The following KCNK2 variants were observed in gnomAD, a reference collection of about 807,000 sequenced individuals.
KCNK2 encodes potassium channel subfamily K member 2.
Under a neutral mutation model 40.5 loss-of-function variants are expected in KCNK2, and 21 were observed. The observed-to-expected ratio is 0.52, with a 90% CI of 0.37 to 0.75. The LOEUF is 0.75. Ranked by LOEUF, KCNK2 falls within the 30% of genes least tolerant of loss-of-function variation. The probability of loss-of-function intolerance (pLI) is 0.00; values close to 1 mark genes in which losing one functional copy is unlikely to be tolerated. For missense variants in KCNK2, 399 were observed against 531.6 expected (o/e 0.75, Z 2.45); for synonymous variants, 191 against 202.2 (o/e 0.94, Z 0.47).
At chr1:215,169,620 C>A (rs1663605850) in intron 4 of KCNK2, among the ~76,000 whole-genome samples, 1 of 143,606 alleles carries the variant, frequency 7.0e-6, no homozygotes, top group African/African-American at 2.6e-5. Context: ...ATTCAAATTT[C>A]TTTTACTTTT....
At chr1:215,027,470 C>T (rs903904059) in intron 1 of KCNK2, among the ~76,000 whole-genome samples, 5 of 152,132 alleles carry the variant, frequency 3.3e-5, no homozygotes, top group African/African-American at 9.7e-5. Flanking sequence ...AAATGTCCCT[C>T]CAACATCTAT....
At chr1:215,047,189 C>T (rs1343632679) in intron 1 of KCNK2, among the ~76,000 whole-genome samples, 3 of 152,010 alleles carry the variant, frequency 2.0e-5, no homozygotes, top group Non-Finnish European at 4.4e-5. Flanking sequence ...AAATGGACAG[C>T]TATGTTAGCA....
chr1:215,214,875 A>G (rs766063574), intron 6 of KCNK2, among the ~76,000 whole-genome samples: 7 of 152,126 alleles, frequency 4.6e-5, no homozygotes, highest in Non-Finnish European at 8.8e-5. Flanking sequence ...AATCATGTCT[A>G]TATGGATTGT....
At chr1:215,092,529 C>T (rs2102538176) in intron 2 of KCNK2, among the ~76,000 whole-genome samples, 1 of 152,260 alleles carries the variant, frequency 6.6e-6, no homozygotes, top group Admixed American at 6.5e-5. Context: ...GCAAAGGCTG[C>T]ATGACAGCAA....
Position 215,105,857 on chromosome 1 carries a change from G to C in KCNK2, c.358-18776G>C, listed in dbSNP as rs554724885. On this transcript the variant is annotated intron_variant, in intron 2 of 6. Coordinates refer to ENST00000444842, the MANE Select transcript of KCNK2 (RefSeq NM_001017425.3). ...GAGAACATGTGGTATTTGGTTCTCTGTTTCTGCATTAGTTTACTGAGGATA... is the reference window on the plus strand; with the variant it reads ...GAGAACATGTGGTATTTGGTTCTCTCTTTCTGCATTAGTTTACTGAGGATA... 2.6e-5 allele frequency among the ~76,000 whole-genome samples: 4 copies of C among 152,070 alleles called. 1 individual carries two copies. The highest frequency in any genetic ancestry group is 2.6e-4 in the Admixed American group (4 of 15,244).
intron 1 of KCNK2, among the ~76,000 whole-genome samples, chr1:215,056,257 G>A (rs1658155764): frequency 6.8e-6 from 1 of 146,590 alleles, no homozygotes; most frequent in Non-Finnish European, 1.5e-5. Context: ...ACAGTGAGCC[G>A]AGATCGCGCC....
At chr1:215,070,951 G>A (rs1658736548) in intron 1 of KCNK2, among the ~76,000 whole-genome samples, 1 of 152,118 alleles carries the variant, frequency 6.6e-6, no homozygotes, top group Non-Finnish European at 1.5e-5. Flanking sequence ...CAATTGTCCT[G>A]AGCAAATTAA....
intron 5 of KCNK2, among the ~76,000 whole-genome samples, chr1:215,180,617 A>C (rs1045569171): frequency 2.6e-5 from 4 of 151,798 alleles, no homozygotes; most frequent in Non-Finnish European, 4.4e-5. Context: ...TTTACTTCTG[A>C]AGCTTAGGTT....
intron 1 of KCNK2, among the ~76,000 whole-genome samples, chr1:215,012,060 C>T (rs1054102144): frequency 6.6e-6 from 1 of 152,116 alleles, no homozygotes; most frequent in African/African-American, 2.4e-5. Context: ...CAGTGAAGAA[C>T]TTTCAGGCTG....
intron 3 of KCNK2, among the ~76,000 whole-genome samples, chr1:215,144,044 A>G (rs1177372573): frequency 6.6e-6 from 1 of 152,184 alleles, no homozygotes; most frequent in African/African-American, 2.4e-5. Context: ...TAAGTAAAGT[A>G]TATCTGCCTT....
At chr1:215,101,935 C>G (rs1660238636) in intron 2 of KCNK2, among the ~76,000 whole-genome samples, 1 of 151,936 alleles carries the variant, frequency 6.6e-6, no homozygotes, top group Non-Finnish European at 1.5e-5. Flanking sequence ...TGTGTATTCA[C>G]TATACTATAC....
At chr1:215,199,554 C>T (rs1289101381) in intron 6 of KCNK2, among the ~76,000 whole-genome samples, 1 of 152,068 alleles carries the variant, frequency 6.6e-6, no homozygotes, top group Non-Finnish European at 1.5e-5. Flanking sequence ...TCCAGTTTTC[C>T]ATGGAAACAT....
chr1:215,072,672 G>A (rs991665681), intron 1 of KCNK2, among the ~76,000 whole-genome samples: 1 of 152,120 alleles, frequency 6.6e-6, no homozygotes, highest in Non-Finnish European at 1.5e-5. Context: ...TGTAGGTGTT[G>A]GAAATCCAGA....
chr1:215,083,761 C>T (rs977045914), intron 1 of KCNK2: 4 of 426,116 alleles, frequency 9.4e-6, no homozygotes, highest in Non-Finnish European at 1.7e-5. Flanking sequence ...ACCCCGGTCA[C>T]ACTTGTTGCC....
At chr1:215,059,146 CAT>C (rs35503517) in intron 1 of KCNK2, among the ~76,000 whole-genome samples, 69,185 of 147,486 alleles carry the variant, frequency 0.47, 17,045 homozygotes, top group South Asian at 0.72. Flanking sequence ...TATACACACA[CAT>C]ATATATATAT....
chr1:215,209,331 TA>T (rs1665472621), intron 6 of KCNK2, among the ~76,000 whole-genome samples: 1 of 94,748 alleles, frequency 1.1e-5, no homozygotes, highest in Non-Finnish European at 1.9e-5. Context: ...CACATATTTT[TA>T]TATATATAAT....
intron 1 of KCNK2, among the ~76,000 whole-genome samples, chr1:215,007,035 A>ATGTGTG (rs1184078114): frequency 2.1e-4 from 12 of 56,644 alleles, no homozygotes; most frequent in African/African-American, 6.8e-4. Flanking sequence ...ATATATATAT[A>ATGTGTG]TATGTGTGTG....
In KCNK2 at chr1:215,204,037, C is replaced by CAAAA. The variant is rs71167813; in HGVS notation, c.963+8969_963+8972dup. ...TGGGCGATAGAGCGAGACTCCGTCTCAAAAAAAAAAAAAAAAAAAAAAAAA... is the reference window on the plus strand; with the variant it reads ...TGGGCGATAGAGCGAGACTCCGTCTCAAAAAAAAAAAAAAAAAAAAAAAAAAAAA... On this transcript the variant is annotated intron_variant, in intron 6 of 6. Transcript: ENST00000444842. Among the ~76,000 whole-genome samples the CAAAA allele has an allele frequency of 2.7e-3, 145 of 53,176 alleles. 21 individuals are homozygous for CAAAA. The highest frequency in any genetic ancestry group is 0.018 in the South Asian group (15 of 832). The allele number at this position is 53,176 out of a possible 152,430, so 34.9% of individuals were successfully genotyped here.
chr1:215,082,894 A>G lies in KCNK2; in HGVS notation c.-492A>G, dbSNP rs1407690537. ...AAGACATGCGAAGAGGGGCTGAACGAGGCTCGCGCACAAAGACGCCGGGGC... is the reference window on the plus strand; with the variant it reads ...AAGACATGCGAAGAGGGGCTGAACGGGGCTCGCGCACAAAGACGCCGGGGC... On this transcript the variant is annotated 5_prime_UTR_variant, in exon 1 of 7. Transcript: ENST00000444842. Among the ~76,000 whole-genome samples the G allele has an allele frequency of 6.6e-6, 1 of 151,612 alleles. No individual in the cohort carries two copies. The highest frequency in any genetic ancestry group is 2.0e-4 in the East Asian group (1 of 5,100).
Sources: allele counts gnomAD v4.1 joint callset (sites outside exome capture counted in the v4.1 genomes callset), GRCh38; gene constraint gnomAD v4.1.1; transcripts MANE v1.5; gene names NCBI Gene and HGNC (gene_info 2026-07-23, HGNC 2026-07-21).